Variants in KAT2B observed in about 807,000 individuals in gnomAD.
KAT2B encodes histone acetyltransferase KAT2B.
Under a neutral mutation model 105.9 loss-of-function variants are expected in KAT2B, and 36 were observed. The observed-to-expected ratio is 0.34, with a 90% confidence interval of 0.26 to 0.45. The LOEUF (loss-of-function observed/expected upper bound fraction) is 0.45. KAT2B is among the 20% of genes least tolerant of loss of function. KAT2B has a pLI of 1.00. For synonymous variants in KAT2B, 397 were observed against 377.9 expected (o/e 1.05, Z -0.59); for missense variants, 820 against 1,021.6 (o/e 0.80, Z 2.69).
chr3:20,069,986 T>C lies in KAT2B; in HGVS notation c.304-2347T>C, dbSNP rs530504316. 4.1e-4 allele frequency among the ~76,000 whole-genome samples: 62 copies of C among 152,318 alleles called. 1 individual carries two copies. The South Asian group carries it at 0.012, about 31-fold the overall frequency. ...TCTTTGCAACCTCTGAAGAGGTGGA[T>C]GGTTCATTACAGAGAATTTCAAGGC... On this transcript the variant is annotated intron_variant, in intron 1 of 17. Coordinates refer to ENST00000263754, the MANE Select transcript of KAT2B (RefSeq NM_003884.5).
chr3:20,046,562 C>T (rs1697815316), intron 1 of KAT2B, among the ~76,000 whole-genome samples: 1 of 151,958 alleles, frequency 6.6e-6, no homozygotes. Flanking sequence ...GACCTTGTCT[C>T]AAAATAATAA....
In KAT2B at chr3:20,110,688, AAAAG is replaced by A. The variant is rs1370414715; in HGVS notation, c.852-900_852-897del. On this transcript the variant is annotated intron_variant, in intron 5 of 17. Transcript: ENST00000263754. ...ACCCTGTCTCAAAAAAAAAAAAAAAAAAAGAAAGAAAAAGAAAGAAAAAGAGGTT... is the reference window on the plus strand; with the variant it reads ...ACCCTGTCTCAAAAAAAAAAAAAAAAAAAGAAAAAGAAAGAAAAAGAGGTT... 1.9e-4 allele frequency among the ~76,000 whole-genome samples: 27 copies of A among 140,732 alleles called. No homozygotes were observed. In the South Asian group the frequency reaches 2.2e-3, roughly 11 times the overall value. The allele number at this position is 140,732 out of a possible 152,430, so 92.3% of individuals were successfully genotyped here.
At chr3:20,088,160 A>C (rs574668129) in intron 2 of KAT2B, among the ~76,000 whole-genome samples, 1 of 152,136 alleles carries the variant, frequency 6.6e-6, no homozygotes, top group African/African-American at 2.4e-5. Context: ...GTTGGGGTGG[A>C]CACTTAGGTA....
intron 1 of KAT2B, among the ~76,000 whole-genome samples, chr3:20,062,098 CAT>C (rs769492861): frequency 1.3e-3 from 98 of 74,548 alleles, no homozygotes; most frequent in Admixed American, 2.1e-3. Context: ...ATATATAAAA[CAT>C]ATAATATATA....
chr3:20,113,793 A>G (rs1201148353), intron 6 of KAT2B, among the ~76,000 whole-genome samples: 3 of 152,012 alleles, frequency 2.0e-5, no homozygotes, highest in Non-Finnish European at 4.4e-5. Flanking sequence ...TTATCTTCCT[A>G]TTCTTCATAT....
At chr3:20,082,196 A>C (rs888772478) in intron 2 of KAT2B, among the ~76,000 whole-genome samples, 4 of 151,894 alleles carry the variant, frequency 2.6e-5, no homozygotes, top group African/African-American at 9.7e-5. Flanking sequence ...CACCATGCCC[A>C]GCTAATTTTT....
At chr3:20,122,613 A>G in intron 8 of KAT2B, 55 bp from the exon 9 acceptor site, 2 of 1,410,180 alleles carry the variant, frequency 1.4e-6, no homozygotes, top group Non-Finnish European at 2.0e-6. Context: ...GGCGTGTATT[A>G]TTTGTTTTGT....
Position 20,111,593 on chromosome 3 carries a change from C to T in KAT2B, c.852-3C>T. The stretch of plus-strand genomic sequence containing the variant: ...TGATGGTGCTTGACTTCTCTTGTCA[C>T]AGGTGGCTGTGTTACTGCAACGTGC... On this transcript the variant is annotated splice_polypyrimidine_tract_variant and splice_region_variant and intron_variant, in intron 5 of 17. Coordinates refer to ENST00000263754, the MANE Select transcript of KAT2B (RefSeq NM_003884.5). The T allele has an allele frequency of 2.5e-6, 4 of 1,604,624 alleles. No homozygotes were observed. The highest frequency in any genetic ancestry group is 3.4e-6 in the Non-Finnish European group (4 of 1,175,316).
In KAT2B at chr3:20,152,435, C is replaced by G. The variant is rs139361011; in HGVS notation, c.2409C>G (p.Asn803Lys). 1 of 1,612,874 alleles carries G rather than the reference C, an allele frequency of 6.2e-7. No individual in the cohort carries two copies. Among genetic ancestry groups the G allele is most frequent in the African/African-American group, 1.3e-5 (1 of 74,962 alleles). Residue 803 changes from asparagine (N) to lysine (K), a missense_variant, in exon 18 of 18, where the codon AAC (asparagine) becomes AAG (lysine). Asn to Lys is a moderately conservative substitution (Grantham distance 94). Transcript: ENST00000263754. ...QRVFTNCKEY[N>K]PPESEYYKCA... ...TCTTTACCAATTGCAAAGAGTACAA[C>G]CCCCCTGAGAGTGAATACTACAAAT...
At chr3:20,076,339 C>T (rs778483303) in intron 2 of KAT2B, among the ~76,000 whole-genome samples, 1 of 152,120 alleles carries the variant, frequency 6.6e-6, no homozygotes, top group Non-Finnish European at 1.5e-5. Context: ...ATATTTCCCC[C>T]TACTCCTTCC....
chr3:20,133,877 G>A (rs983488703), intron 11 of KAT2B, among the ~76,000 whole-genome samples: 2 of 151,998 alleles, frequency 1.3e-5, no homozygotes, highest in African/African-American at 4.8e-5. Flanking sequence ...TATTGAGGTC[G>A]AACATATCTC....
intron 5 of KAT2B, among the ~76,000 whole-genome samples, chr3:20,102,778 C>A (rs1192278584): frequency 6.6e-6 from 1 of 152,124 alleles, no homozygotes. Flanking sequence ...TATAACTTTT[C>A]TCTGTTTATA....
chr3:20,060,532 C>T lies in KAT2B; in HGVS notation c.304-11801C>T, dbSNP rs531539542. Among the ~76,000 whole-genome samples the T allele has an allele frequency of 5.3e-5, 8 of 152,174 alleles. 1 individual carries two copies. The South Asian group carries it at 1.0e-3, about 20-fold the overall frequency. On this transcript the variant is annotated intron_variant, in intron 1 of 17. Transcript: ENST00000263754. ...AGGAGAATCTCTTAAACCCAGGAGGCGGAGGTTGCAGTGAGCTGAGATCAC... is the reference window on the plus strand; with the variant it reads ...AGGAGAATCTCTTAAACCCAGGAGGTGGAGGTTGCAGTGAGCTGAGATCAC...
At position 20,111,647 on chromosome 3, in the gene KAT2B, C is replaced by T. The variant is rs375993645; in HGVS notation, c.903C>T (p.Tyr301=). ...AGTTCTGCGACAGTCTACCTCGGTACGAAACCACACAGGTGTTTGGGAGAA... is the reference window on the plus strand; with the variant it reads ...AGTTCTGCGACAGTCTACCTCGGTATGAAACCACACAGGTGTTTGGGAGAA... ...VPQFCDSLPR[Y]ETTQVFGRTL... Residue 301 remains tyrosine (Y), a synonymous_variant, in exon 6 of 18, where the codon TAC becomes TAT. Transcript: ENST00000263754. 22 of 1,613,766 alleles carry T rather than the reference C, an allele frequency of 1.4e-5. No homozygotes were observed. Among genetic ancestry groups the T allele is most frequent in the East Asian group, 4.5e-5 (2 of 44,886 alleles).
intron 2 of KAT2B, 129 bp downstream of exon 2, chr3:20,072,588 C>A: frequency 1.2e-6 from 1 of 829,072 alleles, no homozygotes; most frequent in South Asian, 1.6e-5. Flanking sequence ...CAACAAGAGC[C>A]TCTCTAGTCT....
At chr3:20,130,290 C>T (rs1699486003) in intron 11 of KAT2B, among the ~76,000 whole-genome samples, 2 of 152,084 alleles carry the variant, frequency 1.3e-5, no homozygotes, top group Admixed American at 1.3e-4. Context: ...AGGTGAAGAC[C>T]CACATTTGCT....
At chr3:20,062,297 A>ATTTATTATG (rs1251614264) in intron 1 of KAT2B, among the ~76,000 whole-genome samples, 1 of 48,022 alleles carries the variant, frequency 2.1e-5, no homozygotes, top group Non-Finnish European at 5.5e-5. Flanking sequence ...AATATATAAT[A>ATTTATTATG]TATAAAATAT....
At chr3:20,114,006 T>G (rs889159704) in intron 6 of KAT2B, among the ~76,000 whole-genome samples, 3 of 152,196 alleles carry the variant, frequency 2.0e-5, no homozygotes, top group Non-Finnish European at 4.4e-5. Flanking sequence ...GTTATTTCTG[T>G]TTTTCTCCCA....
At chr3:20,110,119 A>G (rs1699093105) in intron 5 of KAT2B, among the ~76,000 whole-genome samples, 1 of 152,176 alleles carries the variant, frequency 6.6e-6, no homozygotes, top group Non-Finnish European at 1.5e-5. Flanking sequence ...AGCTTTTTGT[A>G]GCAGCTTGGG....
Sources: allele counts gnomAD v4.1 joint callset (sites outside exome capture counted in the v4.1 genomes callset), GRCh38; gene constraint gnomAD v4.1.1; transcripts MANE v1.5; gene names NCBI Gene and HGNC (gene_info 2026-07-23, HGNC 2026-07-21).